SLC14A2: variants seen among roughly 807,000 people sequenced by gnomAD.
SLC14A2 encodes the protein solute carrier family 14 member 2, also known as urea transporter 2.
In SLC14A2, 91 loss-of-function variants were observed where a neutral mutation model predicts 104.6. That is an observed-to-expected ratio of 0.87 (90% CI 0.73 to 1.04). The LOEUF is 1.04. SLC14A2 is among the 50% of genes least tolerant of loss of function. The pLI is 0.00. For synonymous variants in SLC14A2, 476 were observed against 466.4 expected, an observed-to-expected ratio of 1.02 and a Z score of -0.27; for missense variants, 1,189 against 1,156.0, an observed-to-expected ratio of 1.03 and a Z score of -0.41.
chr18:45,310,708 C>G (rs973676563), intron 1 of SLC14A2, among the ~76,000 whole-genome samples: 1 of 152,212 alleles, frequency 6.6e-6, no homozygotes. Flanking sequence ...GACATGCACA[C>G]TATGTCGGTC....
chr18:45,387,992 G>A (rs1022207066), intron 1 of SLC14A2, among the ~76,000 whole-genome samples: 1 of 150,462 alleles, frequency 6.6e-6, no homozygotes, highest in Non-Finnish European at 1.5e-5. Context: ...ATTATTTAAA[G>A]GCTGTATACA....
intron 1 of SLC14A2, among the ~76,000 whole-genome samples, chr18:45,286,917 A>G (rs893209763): frequency 6.6e-6 from 1 of 152,244 alleles, no homozygotes; most frequent in African/African-American, 2.4e-5. Context: ...TACATTAAAC[A>G]GGCCACCCAG....
chr18:45,199,968 C>A, the SLC14A2 span, among the ~76,000 whole-genome samples: 7 of 152,176 alleles, frequency 4.6e-5, no homozygotes, highest in Non-Finnish European at 8.8e-5. Context: ...GTCCACATAT[C>A]CCCATTAAAG....
chr18:45,657,791 CT>C lies in SLC14A2; in HGVS notation c.1352-5989del, dbSNP rs1355806264. On this transcript the variant is annotated intron_variant, in intron 10 of 19. Coordinates refer to ENST00000255226, the MANE Select transcript of SLC14A2 (RefSeq NM_007163.4). Reference sequence around the variant, plus strand: ...GAGCTGGACAAGATCATCTCAAAGCCTTTTTCAATTCTAACATCCAATGCCT... The same window carrying C: ...GAGCTGGACAAGATCATCTCAAAGCCTTTTCAATTCTAACATCCAATGCCT... Among the ~76,000 whole-genome samples, 4 of 152,244 alleles carry C rather than the reference CT, an allele frequency of 2.6e-5. No individual in the cohort carries two copies. The East Asian group carries it at 7.7e-4, about 29-fold the overall frequency.
intron 2 of SLC14A2, among the ~76,000 whole-genome samples, chr18:45,573,197 A>G (rs2044373917): frequency 6.6e-6 from 1 of 152,220 alleles, no homozygotes; most frequent in Non-Finnish European, 1.5e-5. Flanking sequence ...GCTTGTTGAA[A>G]TGATTGATAG....
intron 13 of SLC14A2, 49 bp downstream of exon 13, chr18:45,667,143 C>G: frequency 6.6e-7 from 1 of 1,505,546 alleles, no homozygotes; most frequent in Non-Finnish European, 9.1e-7. Context: ...AAACTCACCT[C>G]CACCCATCCC....
intron 1 of SLC14A2, among the ~76,000 whole-genome samples, chr18:45,378,911 G>A (rs920987803): frequency 3.3e-5 from 5 of 152,060 alleles, no homozygotes; most frequent in Admixed American, 6.6e-5. Flanking sequence ...GCTCCTGGTC[G>A]CTCAATGCAT....
At chr18:45,189,066 G>T in the SLC14A2 span, among the ~76,000 whole-genome samples, 1 of 152,104 alleles carries the variant, frequency 6.6e-6, no homozygotes, top group Non-Finnish European at 1.5e-5. Context: ...ACTGTTTTCT[G>T]GGCAAAAGCC....
chr18:45,473,975 T>C (rs2087303094), intron 1 of SLC14A2, among the ~76,000 whole-genome samples: 2 of 152,208 alleles, frequency 1.3e-5, no homozygotes, highest in Non-Finnish European at 2.9e-5. Context: ...AGGAAATGCT[T>C]CCTGTTTTTG....
chr18:45,219,355 T>C (rs1187449473), intron 1 of SLC14A2, among the ~76,000 whole-genome samples: 1 of 152,210 alleles, frequency 6.6e-6, no homozygotes, highest in Admixed American at 6.5e-5. Context: ...GCTGTGTAAA[T>C]AAAATTTCTT....
intron 1 of SLC14A2, among the ~76,000 whole-genome samples, chr18:45,326,709 C>G (rs1195929688): frequency 6.6e-6 from 1 of 152,242 alleles, no homozygotes; most frequent in Non-Finnish European, 1.5e-5. Flanking sequence ...TACTAAGGCA[C>G]AGAGGCTGGC....
chr18:45,435,696 G>A (rs1301177702), intron 1 of SLC14A2, among the ~76,000 whole-genome samples: 1 of 152,170 alleles, frequency 6.6e-6, no homozygotes, highest in Non-Finnish European at 1.5e-5. Flanking sequence ...CAATCCACTG[G>A]ATAGTGCCTA....
At chr18:45,657,709 C>T (rs1246424834) in intron 10 of SLC14A2, among the ~76,000 whole-genome samples, 1 of 152,152 alleles carries the variant, frequency 6.6e-6, no homozygotes, top group Non-Finnish European at 1.5e-5. Flanking sequence ...AGCTGTGTGG[C>T]CTAGGGCAAG....
chr18:45,355,952 A>G lies in SLC14A2; in HGVS notation c.-124-127281A>G, dbSNP rs529486984. On this transcript the variant is annotated intron_variant, in intron 1 of 20. Coordinates refer to the SLC14A2 transcript ENST00000586448. ...GGAGCTGGGGAGACTAGAGGCAAAG[A>G]GAAAATCAGAAGACGGAGACTGAAA... Among the ~76,000 whole-genome samples the G allele has an allele frequency of 5.9e-5, 9 of 152,330 alleles. No homozygotes were observed. In the South Asian group the frequency reaches 1.9e-3, roughly 32 times the overall value.
At chr18:45,285,615 C>A (rs2084805244) in intron 1 of SLC14A2, among the ~76,000 whole-genome samples, 2 of 151,440 alleles carry the variant, frequency 1.3e-5, no homozygotes, top group Non-Finnish European at 2.9e-5. Context: ...ATGAGGTTTC[C>A]TCATATTGGC....
intron 1 of SLC14A2, among the ~76,000 whole-genome samples, chr18:45,297,183 G>A (rs55802831): frequency 0.14 from 21,972 of 151,998 alleles, 1,920 homozygotes; most frequent in African/African-American, 0.25. Context: ...TAGATAGTCT[G>A]TTCACCCAAT....
intron 1 of SLC14A2, among the ~76,000 whole-genome samples, chr18:45,330,271 G>C (rs1387400275): frequency 6.6e-6 from 1 of 152,166 alleles, no homozygotes; most frequent in East Asian, 1.9e-4. Flanking sequence ...CATCAAGACA[G>C]CCTCTTTTTT....
chr18:45,584,563 T>C (rs1041554624), intron 2 of SLC14A2, among the ~76,000 whole-genome samples: 1 of 152,222 alleles, frequency 6.6e-6, no homozygotes, highest in African/African-American at 2.4e-5. Flanking sequence ...AAGCTAAATA[T>C]GAATGCACAG....
At chr18:45,573,835 T>C (rs1264122881) in intron 2 of SLC14A2, among the ~76,000 whole-genome samples, 1 of 152,202 alleles carries the variant, frequency 6.6e-6, no homozygotes, top group Non-Finnish European at 1.5e-5. Flanking sequence ...CAAAAATATA[T>C]CATCTAGTTT....
Sources: allele counts gnomAD v4.1 joint callset (sites outside exome capture counted in the v4.1 genomes callset), GRCh38; gene constraint gnomAD v4.1.1; transcripts MANE v1.5; gene names NCBI Gene and HGNC (gene_info 2026-07-23, HGNC 2026-07-21).